Variants in CACNA1D observed in about 807,000 individuals in gnomAD.
The protein encoded by CACNA1D is calcium voltage-gated channel subunit alpha1 D.
Under a neutral mutation model 257.1 loss-of-function variants are expected in CACNA1D, and 55 were observed. The observed-to-expected ratio is 0.21, with a 90% confidence interval of 0.17 to 0.27. The LOEUF (loss-of-function observed/expected upper bound fraction) is 0.27, where lower values mean the gene tolerates loss of function less well. Ranked by LOEUF, CACNA1D falls within the 10% of genes least tolerant of loss-of-function variation. The probability of loss-of-function intolerance (pLI) is 1.00; values close to 1 mark genes in which losing one functional copy is unlikely to be tolerated. For missense variants in CACNA1D, 1,876 were observed against 2,784.0 expected (o/e 0.67, Z 7.34); for synonymous variants, 980 against 1,014.9 (o/e 0.97, Z 0.65).
Position 53,722,343 on chromosome 3 carries a change from A to C in CACNA1D, c.1535A>C (p.Asn512Thr). 1 of 1,614,238 alleles carries C rather than the reference A, an allele frequency of 6.2e-7. No homozygotes were observed. Among genetic ancestry groups the C allele is most frequent in the Non-Finnish European group, 8.5e-7 (1 of 1,180,032 alleles). ...CGCTGGCGTCGCTGGAACCGATTCA[A>C]TCGCAGAAGATGTAGGGCCGCCGTG... ...SRRWRRWNRF[N>T]RRRCRAAVKS... Residue 512 changes from asparagine to threonine, a missense_variant, in exon 12 of 48, where the codon AAT becomes ACT. Coordinates refer to ENST00000350061, the MANE Select transcript of CACNA1D (RefSeq NM_001128840.3).
intron 3 of CACNA1D, among the ~76,000 whole-genome samples, chr3:53,514,785 G>GGGT (rs2091267873): frequency 1.3e-5 from 2 of 152,146 alleles, no homozygotes; most frequent in South Asian, 4.1e-4. Flanking sequence ...GGATAGTGAT[G>GGGT]GGTCCCTCCT....
At chr3:53,506,596 A>T (rs2090856615) in intron 3 of CACNA1D, among the ~76,000 whole-genome samples, 1 of 152,238 alleles carries the variant, frequency 6.6e-6, no homozygotes, top group Non-Finnish European at 1.5e-5. Flanking sequence ...GAATGACCAT[A>T]CAAGGACTCC....
intron 15 of CACNA1D, 87 bp from the exon 16 acceptor site, chr3:53,730,355 G>C (rs567086319): frequency 1.2e-6 from 1 of 862,086 alleles, no homozygotes; most frequent in East Asian, 2.5e-5. Context: ...CCAGCTTCCC[G>C]GGATGCAGAG....
In CACNA1D at chr3:53,673,897, C is replaced by A; in HGVS notation, c.1220+771C>A. 4.6e-6 allele frequency: 4 copies of A among 867,832 alleles called. No homozygotes were observed. The South Asian group carries it at 5.3e-5, about 11-fold the overall frequency. The allele number at this position is 867,832 out of a possible 1,614,324, so 53.8% of individuals were successfully genotyped here. The stretch of plus-strand genomic sequence containing the variant: ...TGCGTGTCTCCTAGCTGCTCCCTGA[C>A]AGCTTCTCTGCATGTGTTTGGACTC... On this transcript the variant is annotated intron_variant, in intron 8 of 47. Coordinates refer to ENST00000350061, the MANE Select transcript of CACNA1D (RefSeq NM_001128840.3). This position sits in a 1 kb window ranked among gnomAD's most constrained non-coding sequence, Gnocchi z 4.1.
intron 3 of CACNA1D, among the ~76,000 whole-genome samples, chr3:53,618,738 T>C (rs1443469435): frequency 6.6e-6 from 1 of 152,122 alleles, no homozygotes; most frequent in Non-Finnish European, 1.5e-5. Flanking sequence ...CCTCCAAGAG[T>C]GCACTAGAGT....
At chr3:53,743,463 C>A (rs539344056) in intron 22 of CACNA1D, among the ~76,000 whole-genome samples, 1 of 152,346 alleles carries the variant, frequency 6.6e-6, no homozygotes, top group Non-Finnish European at 1.5e-5. Flanking sequence ...CTCTCAGGAA[C>A]CCTGTGCCCC....
In CACNA1D at chr3:53,555,138, G is replaced by A. The variant is rs9809055; in HGVS notation, c.483+53418G>A. ...ACTATTTCTATGTAGTGTATCTGGC[G>A]TGGTCCCATGAGGATGCCATAACCA... On this transcript the variant is annotated intron_variant, in intron 3 of 47. Transcript: ENST00000350061. 8.5e-3 allele frequency among the ~76,000 whole-genome samples: 1,299 copies of A among 152,232 alleles called. 22 individuals are homozygous for A. Among genetic ancestry groups the A allele is most frequent in the African/African-American group, 0.03 (1,239 of 41,530 alleles).
intron 40 of CACNA1D, among the ~76,000 whole-genome samples, chr3:53,797,246 T>C (rs2095511686): frequency 1.3e-5 from 2 of 152,194 alleles, no homozygotes; most frequent in Non-Finnish European, 2.9e-5. Context: ...TTTTGTGATA[T>C]GTAATAAATT....
chr3:53,518,825 A>G (rs1053688463), intron 3 of CACNA1D, among the ~76,000 whole-genome samples: 29 of 152,186 alleles, frequency 1.9e-4, no homozygotes, highest in Non-Finnish European at 3.1e-4. Context: ...GAGGAATGGC[A>G]ATATTATCAG....
intron 3 of CACNA1D, among the ~76,000 whole-genome samples, chr3:53,566,917 C>T (rs565954344): frequency 1.3e-5 from 2 of 152,324 alleles, no homozygotes; most frequent in South Asian, 2.1e-4. Context: ...CGGACTGAGC[C>T]TGGCACGCTA....
At chr3:53,710,479 G>A in intron 9 of CACNA1D, 1 of 456,774 alleles carries the variant, frequency 2.2e-6, no homozygotes, top group South Asian at 1.5e-5. Flanking sequence ...AAAGATCATG[G>A]TAAATTGCTG....
At chr3:53,727,875 C>T (rs1012023203) in intron 15 of CACNA1D, among the ~76,000 whole-genome samples, 1 of 152,212 alleles carries the variant, frequency 6.6e-6, no homozygotes, top group African/African-American at 2.4e-5. Flanking sequence ...AAATTTTCTT[C>T]AGTGTGGTAA....
intron 3 of CACNA1D, among the ~76,000 whole-genome samples, chr3:53,507,045 C>G (rs1467517955): frequency 3.0e-5 from 4 of 133,604 alleles, no homozygotes; most frequent in Non-Finnish European, 4.6e-5. Flanking sequence ...TGCACTCTAG[C>G]CTGGGTGACA....
intron 3 of CACNA1D, among the ~76,000 whole-genome samples, chr3:53,536,337 G>A (rs750547679): frequency 3.3e-5 from 5 of 151,988 alleles, no homozygotes; most frequent in Non-Finnish European, 7.4e-5. Context: ...GCAAATTTGT[G>A]TCTTCTTGAC....
At chr3:53,520,458 T>C (rs981099191) in intron 3 of CACNA1D, among the ~76,000 whole-genome samples, 1 of 152,236 alleles carries the variant, frequency 6.6e-6, no homozygotes, top group Non-Finnish European at 1.5e-5. Flanking sequence ...CATTTTTAAA[T>C]TGAATTTTTA....
chr3:53,654,725 A>G (rs879821436), intron 4 of CACNA1D, among the ~76,000 whole-genome samples: 1 of 152,206 alleles, frequency 6.6e-6, no homozygotes, highest in African/African-American at 2.4e-5. Context: ...GACAAACCCT[A>G]TGGCCTGCAG....
intron 9 of CACNA1D, among the ~76,000 whole-genome samples, chr3:53,709,694 G>C (rs1011432104): frequency 3.3e-5 from 5 of 152,212 alleles, no homozygotes; most frequent in Admixed American, 2.6e-4. Flanking sequence ...TCATGGGGCT[G>C]CAAGGGGTTA....
At chr3:53,507,489 G>C (rs894941065) in intron 3 of CACNA1D, among the ~76,000 whole-genome samples, 3 of 152,008 alleles carry the variant, frequency 2.0e-5, no homozygotes, top group African/African-American at 7.2e-5. Flanking sequence ...GTGGTGGCGT[G>C]CACCTGTGGT....
At chr3:53,706,728 A>G (rs1160697442) in intron 9 of CACNA1D, among the ~76,000 whole-genome samples, 1 of 152,162 alleles carries the variant, frequency 6.6e-6, no homozygotes, top group Non-Finnish European at 1.5e-5. Context: ...CGAAAAGTGT[A>G]CATTATACCC....
Sources: gnomAD v4.1 joint callset for allele counts (sites outside exome capture counted in the v4.1 genomes callset) on GRCh38, gnomAD v4.1.1 for gene constraint, Gnocchi (gnomAD v3.1) non-coding constraint, MANE v1.5 for transcripts, NCBI Gene and HGNC (gene_info 2026-07-23, HGNC 2026-07-21) for gene names.